Variants in PTPN5 observed in about 807,000 individuals in gnomAD.
PTPN5 encodes the protein tyrosine-protein phosphatase non-receptor type 5.
PTPN5 carries 29 observed loss-of-function variants against 73.9 expected under a neutral mutation model. The observed-to-expected ratio is 0.39, with a 90% CI of 0.29 to 0.54. The LOEUF (loss-of-function observed/expected upper bound fraction) is 0.54. PTPN5 is among the 20% of genes least tolerant of loss of function. PTPN5 has a pLI of 0.65. For synonymous variants in PTPN5, 267 were observed against 304.7 expected (o/e 0.88, Z 1.29); for missense variants, 652 against 751.4 (o/e 0.87, Z 1.55).
chr11:18,785,766 A>C (rs1851640469), intron 1 of PTPN5, among the ~76,000 whole-genome samples: 1 of 151,668 alleles, frequency 6.6e-6, no homozygotes, highest in African/African-American at 2.4e-5. Flanking sequence ...GTGTCTCTCT[A>C]ATGACTCCAA....
chr11:18,776,982 T>C (rs925053675), intron 1 of PTPN5, among the ~76,000 whole-genome samples: 1 of 151,796 alleles, frequency 6.6e-6, no homozygotes, highest in Admixed American at 6.6e-5. Context: ...ACTAACATGG[T>C]GAAACCCTGT....
At chr11:18,771,049 C>G (rs1280918106) in intron 2 of PTPN5, among the ~76,000 whole-genome samples, 2 of 152,170 alleles carry the variant, frequency 1.3e-5, no homozygotes, top group Non-Finnish European at 2.9e-5. Context: ...CTGAGCCAAT[C>G]AGGGAGCCTG....
At position 18,733,738 on chromosome 11, in the gene PTPN5, A is replaced by G; in HGVS notation, c.1001-103T>C. On this transcript the variant is annotated intron_variant, in intron 9 of 14. Transcript: ENST00000358540. This position sits in a 1 kb window ranked among gnomAD's most constrained non-coding sequence, Gnocchi z 4.3. ...ATACCCACACTTCTTCTGCGACATTAGCAGTTCTTCCTTCCCTTGCCCAGC... is the reference window on the plus strand; with the variant it reads ...ATACCCACACTTCTTCTGCGACATTGGCAGTTCTTCCTTCCCTTGCCCAGC... 9.9e-7 allele frequency: 1 copy of G among 1,010,190 alleles called. No homozygotes were observed. The highest frequency in any genetic ancestry group is 1.6e-6 in the Non-Finnish European group (1 of 643,154). 62.6% of individuals were successfully genotyped at this position (1,010,190 alleles called of 1,614,324 possible).
intron 1 of PTPN5, among the ~76,000 whole-genome samples, chr11:18,778,943 CCTGGGCCTGGGCTGCCCATGCTGCT>C (rs1851294702): frequency 6.6e-6 from 1 of 152,174 alleles, no homozygotes; most frequent in South Asian, 2.1e-4. Context: ...CTCATGCTGC[CCTGGGCCTGGGCTGCCCATGCTGCT>C]GTCCCTTGCT....
At chr11:18,731,547 C>T (rs1178383572) in intron 12 of PTPN5, among the ~76,000 whole-genome samples, 4 of 152,194 alleles carry the variant, frequency 2.6e-5, no homozygotes, top group Non-Finnish European at 5.9e-5. Context: ...CTCATCTCAG[C>T]CTGTCTTTCT....
In PTPN5 at chr11:18,733,148, G is replaced by T. The variant is rs571218038; in HGVS notation, c.1218+87C>A. On this transcript the variant is annotated intron_variant, in intron 11 of 14. Coordinates refer to ENST00000358540, the MANE Select transcript of PTPN5 (RefSeq NM_006906.2). This position sits in a 1 kb window ranked among gnomAD's most constrained non-coding sequence, Gnocchi z 4.3. Reference sequence around the variant, plus strand: ...GGAGTGAACACCGCCGACCTCTTGAGATTGTCATAAAGATTAATTTGAGAA... The same window carrying T: ...GGAGTGAACACCGCCGACCTCTTGATATTGTCATAAAGATTAATTTGAGAA... 1.5e-4 allele frequency: 229 copies of T among 1,542,870 alleles called. No individual in the cohort carries two copies. In the African/African-American group the frequency reaches 2.7e-3, roughly 18 times the overall value.
In PTPN5 at chr11:18,742,028, G is replaced by C. The variant is rs1378612523; in HGVS notation, c.725+234C>G. On this transcript the variant is annotated intron_variant, in intron 7 of 14. Coordinates refer to ENST00000358540, the MANE Select transcript of PTPN5 (RefSeq NM_006906.2). This position sits in a 1 kb window ranked among gnomAD's most constrained non-coding sequence, Gnocchi z 4.1. The stretch of plus-strand genomic sequence containing the variant: ...CAAACTTACTTGAGCATGGGAGAGT[G>C]TGTGTGAACATGTGTACACCTATGT... 6.6e-6 allele frequency among the ~76,000 whole-genome samples: 1 copy of C among 152,240 alleles called. No homozygotes were observed. The highest frequency in any genetic ancestry group is 1.5e-5 in the Non-Finnish European group (1 of 68,052).
chr11:18,786,744 C>G (rs932838663), intron 1 of PTPN5, among the ~76,000 whole-genome samples: 1 of 152,312 alleles, frequency 6.6e-6, no homozygotes, highest in East Asian at 1.9e-4. Flanking sequence ...CCTAGCCCCT[C>G]ACATGGTCCA....
intron 1 of PTPN5, among the ~76,000 whole-genome samples, chr11:18,772,843 G>T (rs1471686459): frequency 6.6e-6 from 1 of 152,146 alleles, no homozygotes; most frequent in Non-Finnish European, 1.5e-5. Flanking sequence ...AAAGGCAATG[G>T]TGACACAGGT....
At chr11:18,775,460 C>T (rs1851103080) in intron 1 of PTPN5, among the ~76,000 whole-genome samples, 1 of 152,178 alleles carries the variant, frequency 6.6e-6, no homozygotes, top group Non-Finnish European at 1.5e-5. Flanking sequence ...TGCTTGGGAT[C>T]ACTGCTGTTC....
At chr11:18,749,405 TG>T (rs764762283) in intron 3 of PTPN5, 1 of 518,312 alleles carries the variant, frequency 1.9e-6, no homozygotes, top group Non-Finnish European at 3.8e-6. Context: ...CATCAAGTGA[TG>T]TTTCCATTTT....
chr11:18,778,813 T>C (rs1470890067), intron 1 of PTPN5, among the ~76,000 whole-genome samples: 1 of 152,306 alleles, frequency 6.6e-6, no homozygotes, highest in South Asian at 2.1e-4. Context: ...CATTTCTTTA[T>C]AGCAATGCAA....
chr11:18,760,308 CAG>C (rs1176573238), intron 3 of PTPN5, among the ~76,000 whole-genome samples: 1 of 152,174 alleles, frequency 6.6e-6, no homozygotes, highest in Non-Finnish European at 1.5e-5. Flanking sequence ...TCCTGCTGGT[CAG>C]AGATAGGCGC....
chr11:18,746,384 G>A (rs971434001), intron 3 of PTPN5, among the ~76,000 whole-genome samples: 1 of 151,628 alleles, frequency 6.6e-6, no homozygotes, highest in Non-Finnish European at 1.5e-5. Flanking sequence ...TAGAGACAGG[G>A]TTTCACCATG....
chr11:18,730,968 C>T (rs1260776159), intron 12 of PTPN5, among the ~76,000 whole-genome samples: 2 of 152,032 alleles, frequency 1.3e-5, no homozygotes, highest in Non-Finnish European at 2.9e-5. Flanking sequence ...GTTCCATCTT[C>T]CATGTCCTTA....
chr11:18,743,878 C>A, intron 4 of PTPN5, 128 bp downstream of exon 4: 1 of 1,095,256 alleles, frequency 9.1e-7, no homozygotes, highest in Middle Eastern at 3.0e-4. Context: ...GGGCTTGGAG[C>A]TCCTGAGGAA....
chr11:18,767,957 C>T (rs1180607242), intron 2 of PTPN5, among the ~76,000 whole-genome samples: 1 of 152,208 alleles, frequency 6.6e-6, no homozygotes, highest in East Asian at 1.9e-4. Context: ...ATGCACTTGA[C>T]ACGGTTAGAA....
At chr11:18,767,036 A>G (rs1048150158) in intron 2 of PTPN5, among the ~76,000 whole-genome samples, 5 of 152,202 alleles carry the variant, frequency 3.3e-5, no homozygotes, top group African/African-American at 1.2e-4. Flanking sequence ...ATGGCCGTGG[A>G]TCCTTCCAAT....
At chr11:18,747,071 C>T (rs968063608) in intron 3 of PTPN5, among the ~76,000 whole-genome samples, 10 of 152,024 alleles carry the variant, frequency 6.6e-5, no homozygotes, top group Admixed American at 2.6e-4. Context: ...TAGAATTCAG[C>T]GCTTCTTAGA....
Sources: gnomAD v4.1 joint callset for allele counts (sites outside exome capture counted in the v4.1 genomes callset) on GRCh38, gnomAD v4.1.1 for gene constraint, Gnocchi (gnomAD v3.1) non-coding constraint, MANE v1.5 for transcripts, NCBI Gene and HGNC (gene_info 2026-07-23, HGNC 2026-07-21) for gene names.